The following HMCN2 variants were observed in gnomAD, a reference collection of about 807,000 sequenced individuals.
HMCN2 encodes the protein hemicentin 2.
In HMCN2, 325 loss-of-function variants were observed where a neutral mutation model predicts 377.5. The observed-to-expected ratio is 0.86, with a 90% CI of 0.79 to 0.94. HMCN2 has a LOEUF of 0.94. Among genes scored for constraint, HMCN2 ranks in the 40% least tolerant of loss-of-function variants. HMCN2 has a pLI of 0.00. For missense variants in HMCN2, 4,543 were observed against 4,725.3 expected, an observed-to-expected ratio of 0.96 and a Z score of 1.13; for synonymous variants, 2,007 against 2,046.8, an observed-to-expected ratio of 0.98 and a Z score of 0.53.
Position 130,394,954 on chromosome 9 carries a change from A to G in HMCN2, c.10693-73A>G. The G allele has an allele frequency of 9.8e-7, 1 of 1,025,150 alleles. No individual in the cohort carries two copies. The highest frequency in any genetic ancestry group is 1.3e-6 in the Non-Finnish European group (1 of 769,104). The allele number at this position is 1,025,150 out of a possible 1,614,324, so 63.5% of individuals were successfully genotyped here. On this transcript the variant is annotated intron_variant, in intron 69 of 97. Transcript: ENST00000683500. The surrounding 1 kb of genome is among the most constrained non-coding windows in gnomAD (Gnocchi z 5.1). ...GTTTGAATCCTGGGTCCCTCGATGC[A>G]TGAGAAAGAAACCAGATTGGGAGGC...
Position 130,347,594 on chromosome 9 carries a change from GC to G in HMCN2, c.4024+235del, listed in dbSNP as rs1238213774. On this transcript the variant is annotated intron_variant, in intron 26 of 97. Coordinates refer to ENST00000683500, the MANE Select transcript of HMCN2 (RefSeq NM_001291815.2). The surrounding 1 kb of genome is among the most constrained non-coding windows in gnomAD (Gnocchi z 5.1). ...CCAGTGACAGGGAGGGCTTGAGGGG[GC>G]TGGGAGAGTGGCAGGTTGCACTGTA... Among the ~76,000 whole-genome samples the G allele has an allele frequency of 6.6e-6, 1 of 152,196 alleles. No homozygotes were observed. Among genetic ancestry groups the G allele is most frequent in the Non-Finnish European group, 1.5e-5 (1 of 68,032 alleles).
At position 130,394,418 on chromosome 9, in the gene HMCN2, C is replaced by G. The variant is rs1196392260; in HGVS notation, c.10535C>G (p.Thr3512Arg). The G allele has an allele frequency of 7.8e-7, 1 of 1,289,692 alleles. No homozygotes were observed. The highest frequency in any genetic ancestry group is 1.5e-5 in the African/African-American group (1 of 65,992). 79.9% of individuals were successfully genotyped at this position (1,289,692 alleles called of 1,614,324 possible). A position where few individuals can be genotyped will look rare whatever the true frequency, so the allele number is the denominator to read the frequency against. Residue 3512 changes from threonine (T) to arginine (R), a missense_variant, in exon 69 of 98, where the codon ACA (threonine) becomes AGA (arginine). Physicochemically the swap from Thr to Arg is moderately conservative, Grantham distance 71 (BLOSUM62 -1). Coordinates refer to ENST00000683500, the MANE Select transcript of HMCN2 (RefSeq NM_001291815.2). This position sits in a 1 kb window ranked among gnomAD's most constrained non-coding sequence, Gnocchi z 5.1. ...PPHIEDSGQPTELSLTPGAPM... is the reference protein window; with the variant it reads ...PPHIEDSGQPRELSLTPGAPM... The stretch of plus-strand genomic sequence containing the variant: ...CACATTGAGGACTCAGGCCAGCCTA[C>G]AGAGCTGTCGCTGACCCCCGGCGCC...
chr9:130,331,157 A>C (rs1452327616), intron 22 of HMCN2, among the ~76,000 whole-genome samples: 1 of 72,388 alleles, frequency 1.4e-5, no homozygotes, highest in Non-Finnish European at 2.9e-5. Flanking sequence ...ACTCTGTCTT[A>C]AAAAAAAAAA....
chr9:130,356,065 G>GC (rs58522320), intron 33 of HMCN2, 23 bp from the exon 34 acceptor site: 154,002 of 1,239,152 alleles, frequency 0.12, 10,018 homozygotes, highest in Middle Eastern at 0.17. Context: ...AGGTTGACAC[G>GC]CCCCCCTCCC....
At chr9:130,328,146 GC>G (rs1416710287) in intron 22 of HMCN2, among the ~76,000 whole-genome samples, 1 of 152,190 alleles carries the variant, frequency 6.6e-6, no homozygotes, top group Non-Finnish European at 1.5e-5. Flanking sequence ...CGTGACCCCC[GC>G]CCCCACCATG....
At chr9:130,430,873 C>A in intron 95 of HMCN2, 1 of 513,018 alleles carries the variant, frequency 1.9e-6, no homozygotes, top group Non-Finnish European at 3.4e-6. Context: ...GCATCCTAGG[C>A]AAGTGGTCCT....
chr9:130,277,694 TCAC>T (rs1210119993), intron 1 of HMCN2, among the ~76,000 whole-genome samples: 2 of 148,916 alleles, frequency 1.3e-5, no homozygotes, highest in African/African-American at 2.5e-5. Context: ...ACCATCATCA[TCAC>T]CACCACCACC....
chr9:130,327,039 G>A (rs1026816267), intron 21 of HMCN2, among the ~76,000 whole-genome samples: 7 of 150,920 alleles, frequency 4.6e-5, no homozygotes, highest in Admixed American at 2.6e-4. Flanking sequence ...GGCACAGACC[G>A]TAGGGCAGGA....
chr9:130,333,575 G>A (rs942760011), intron 22 of HMCN2, among the ~76,000 whole-genome samples: 30 of 152,298 alleles, frequency 2.0e-4, no homozygotes, highest in East Asian at 5.8e-4. Context: ...CCATCTGGCC[G>A]TGCACGTCGC....
rs770447309 is a variant in HMCN2 at position 130,418,795 on chromosome 9, C to T, written c.12985C>T (p.Pro4329Ser). Residue 4329 changes from proline to serine, a missense_variant, in exon 86 of 98, where the codon CCC becomes TCC. Physicochemically the swap from Pro to Ser is moderately conservative, Grantham distance 74. This residue lies in a region of HMCN2 where 1,155 missense variants were observed against 1,157.7 expected (regional missense o/e 1.00). Transcript: ENST00000683500. ...AGGTGCTCCGGTGTTCCAGGTGGAG[C>T]CCCAGGACATGACAGTGAGATCTGG... is the stretch of plus-strand genomic sequence containing the variant. ...LQSAPVFQVE[P>S]QDMTVRSGDD... 4 of 1,465,684 alleles carry T rather than the reference C, an allele frequency of 2.7e-6. No individual in the cohort carries two copies. The East Asian group carries it at 1.0e-4, about 37-fold the overall frequency. The allele number at this position is 1,465,684 out of a possible 1,614,324, so 90.8% of individuals were successfully genotyped here.
intron 90 of HMCN2, among the ~76,000 whole-genome samples, chr9:130,427,016 G>A (rs1325467580): frequency 6.6e-6 from 1 of 152,196 alleles, no homozygotes. Context: ...TCTCAGGAGA[G>A]CCGTTTTGCA....
chr9:130,382,653 CTCAG>C, intron 55 of HMCN2, 22 bp from the exon 56 acceptor site: 1 of 935,298 alleles, frequency 1.1e-6, no homozygotes, highest in Non-Finnish European at 1.3e-6. Context: ...GTGCCAGCCC[CTCAG>C]CCCCCTCTCC....
At chr9:130,323,977 C>T (rs1333450933) in intron 19 of HMCN2, among the ~76,000 whole-genome samples, 1 of 152,248 alleles carries the variant, frequency 6.6e-6, no homozygotes, top group African/African-American at 2.4e-5. Context: ...GCTGGGATTA[C>T]AGGCATGAGC....
At chr9:130,317,841 C>T (rs1837645935) in intron 15 of HMCN2, among the ~76,000 whole-genome samples, 1 of 151,648 alleles carries the variant, frequency 6.6e-6, no homozygotes, top group East Asian at 2.0e-4. Flanking sequence ...CAAAGCAGCG[C>T]TGTTTGGGGC....
chr9:130,270,294 TG>T (rs201942483), intron 1 of HMCN2, among the ~76,000 whole-genome samples: 42,794 of 106,082 alleles, frequency 0.4, 8,544 homozygotes, highest in African/African-American at 0.44. Flanking sequence ...TTTGTTTGTT[TG>T]TTTTTTTTTT....
intron 1 of HMCN2, among the ~76,000 whole-genome samples, chr9:130,279,253 A>G (rs1470685068): frequency 2.6e-5 from 4 of 152,230 alleles, no homozygotes; most frequent in South Asian, 4.1e-4. Context: ...CTCTTGCCCC[A>G]GATCTTCCCC....
At chr9:130,295,621 C>T (rs1406527544) in intron 5 of HMCN2, 45 bp from the exon 6 acceptor site, 5 of 453,696 alleles carry the variant, frequency 1.1e-5, no homozygotes, top group African/African-American at 8.1e-5. Flanking sequence ...TCCTGCCACC[C>T]CCAGCAAAGG....
chr9:130,407,476 T>A (rs1258418435), intron 82 of HMCN2, 95 bp from the exon 83 acceptor site: 26 of 1,122,868 alleles, frequency 2.3e-5, no homozygotes, highest in Non-Finnish European at 3.0e-5. Flanking sequence ...CCCATCTGTT[T>A]CTGCATTTTT....
rs1840382013 is a variant in HMCN2, at chr9:130,361,467, T to C, written c.5951-541T>C. The stretch of plus-strand genomic sequence containing the variant: ...GGCCAGGATGGTGCTGGTGGCCATA[T>C]GGAGGCTGGACCTCTTGGGCCTCAT... On this transcript the variant is annotated intron_variant, in intron 38 of 97. Coordinates refer to ENST00000683500, the MANE Select transcript of HMCN2 (RefSeq NM_001291815.2). This position sits in a 1 kb window ranked among gnomAD's most constrained non-coding sequence, Gnocchi z 4.8. Among the ~76,000 whole-genome samples, 1 of 152,176 alleles carries C rather than the reference T, an allele frequency of 6.6e-6. No individual in the cohort carries two copies. The highest frequency in any genetic ancestry group is 6.5e-5 in the Admixed American group (1 of 15,278).
Sources: allele counts gnomAD v4.1 joint callset (sites outside exome capture counted in the v4.1 genomes callset), GRCh38; gene constraint gnomAD v4.1.1; regional missense constraint gnomAD v4.1.1; non-coding constraint Gnocchi (gnomAD v3.1); transcripts MANE v1.5; gene names NCBI Gene and HGNC (gene_info 2026-07-23, HGNC 2026-07-21).